CADPS2: variants seen among roughly 807,000 people sequenced by gnomAD.
CADPS2 encodes calcium-dependent secretion activator 2.
A neutral mutation model predicts 172.5 loss-of-function variants in CADPS2; 93 were observed. The observed-to-expected ratio is 0.54, with a 90% CI of 0.46 to 0.64. The LOEUF (loss-of-function observed/expected upper bound fraction) is 0.64. Ranked by LOEUF, CADPS2 falls within the 30% of genes least tolerant of loss-of-function variation. CADPS2 has a pLI of 0.00. For missense variants in CADPS2, 1,420 were observed against 1,565.9 expected (o/e 0.91, Z 1.57); for synonymous variants, 546 against 555.2 (o/e 0.98, Z 0.23).
At position 122,728,898 on chromosome 7, in the gene CADPS2, G is replaced by A. The variant is rs113442701; in HGVS notation, c.453+8057C>T. The stretch of plus-strand genomic sequence containing the variant: ...CCAAGTATTTATTATATTACAAGTC[G>A]CCTCTCTTCTGTTTTGAAAAATACA... On this transcript the variant is annotated intron_variant, in intron 2 of 29. Transcript: ENST00000449022. Among the ~76,000 whole-genome samples, 694 of 151,658 alleles carry A rather than the reference G, an allele frequency of 4.6e-3. 2 individuals are homozygous for A. Among genetic ancestry groups the A allele is most frequent in the African/African-American group, 0.016 (664 of 41,426 alleles).
At chr7:122,804,467 C>A (rs1465989622) in intron 1 of CADPS2, among the ~76,000 whole-genome samples, 1 of 152,126 alleles carries the variant, frequency 6.6e-6, no homozygotes, top group African/African-American at 2.4e-5. Context: ...ATTTTAGAAT[C>A]ACTGACAGTT....
chr7:122,346,230 TG>T (rs1329880728), intron 27 of CADPS2, among the ~76,000 whole-genome samples: 1 of 150,344 alleles, frequency 6.7e-6, no homozygotes, highest in Non-Finnish European at 1.5e-5. Flanking sequence ...TAGCTGGGAG[TG>T]GTGTTGTGAG....
Position 122,874,092 on chromosome 7 carries a change from T to C in CADPS2, c.339+11907A>G, listed in dbSNP as rs189044096. Among the ~76,000 whole-genome samples, 1,209 of 152,298 alleles carry C rather than the reference T, an allele frequency of 7.9e-3. 19 individuals are homozygous for C. Among genetic ancestry groups the C allele is most frequent in the African/African-American group, 0.027 (1,128 of 41,560 alleles). On this transcript the variant is annotated intron_variant, in intron 1 of 29. Transcript: ENST00000449022. Reference sequence around the variant, plus strand: ...TCAGATGGATAGATTGCAAAATTTTTCTCCCATTCTGTAGGTTGCCTGTTC... The same window carrying C: ...TCAGATGGATAGATTGCAAAATTTTCCTCCCATTCTGTAGGTTGCCTGTTC...
At chr7:122,671,946 T>C (rs940032045) in intron 2 of CADPS2, among the ~76,000 whole-genome samples, 48 of 152,126 alleles carry the variant, frequency 3.2e-4, no homozygotes, top group African/African-American at 1.1e-3. Context: ...TATGCTCATA[T>C]ACGAAAGGAG....
At chr7:122,446,786 T>G (rs892704755) in intron 15 of CADPS2, among the ~76,000 whole-genome samples, 1 of 152,138 alleles carries the variant, frequency 6.6e-6, no homozygotes, top group Non-Finnish European at 1.5e-5. Flanking sequence ...AGTCAGAGAG[T>G]CCACTAGGCT....
Position 122,805,449 on chromosome 7 carries a change from C to T in CADPS2, c.340-68381G>A, listed in dbSNP as rs118003563. On this transcript the variant is annotated intron_variant, in intron 1 of 29. Coordinates refer to ENST00000449022, the MANE Select transcript of CADPS2 (RefSeq NM_017954.11). ...CTGAGATTACAGGAGTGAGCCACCA[C>T]ACCCGGTCTTCAATTATTTTTATTG... Among the ~76,000 whole-genome samples the T allele has an allele frequency of 7.0e-3, 1,060 of 152,280 alleles. 5 individuals carry two copies. Among genetic ancestry groups the T allele is most frequent in the Non-Finnish European group, 0.011 (745 of 68,012 alleles).
At chr7:122,698,433 T>C (rs1209076720) in intron 2 of CADPS2, 2 of 1,613,974 alleles carry the variant, frequency 1.2e-6, no homozygotes, top group Non-Finnish European at 8.5e-7. Flanking sequence ...AATGGAAAAT[T>C]TCCGTGCCTT....
At chr7:122,603,838 A>G (rs569299801) in intron 6 of CADPS2, among the ~76,000 whole-genome samples, 1 of 152,272 alleles carries the variant, frequency 6.6e-6, no homozygotes, top group South Asian at 2.1e-4. Context: ...AGAATCTAAA[A>G]AAGTTAAACT....
intron 25 of CADPS2, among the ~76,000 whole-genome samples, chr7:122,373,340 G>T (rs2041988503): frequency 6.6e-6 from 1 of 152,098 alleles, no homozygotes; most frequent in Non-Finnish European, 1.5e-5. Flanking sequence ...CCAAACTTAA[G>T]ACTCAGCATC....
At chr7:122,552,304 T>A (rs1464768246) in intron 8 of CADPS2, among the ~76,000 whole-genome samples, 1 of 152,150 alleles carries the variant, frequency 6.6e-6, no homozygotes, top group Non-Finnish European at 1.5e-5. Flanking sequence ...ACTGAAGAGA[T>A]ATTTAAATAT....
At chr7:122,866,376 C>T (rs757268204) in intron 1 of CADPS2, among the ~76,000 whole-genome samples, 5 of 152,102 alleles carry the variant, frequency 3.3e-5, no homozygotes, top group African/African-American at 7.2e-5. Context: ...CTGTACAACT[C>T]TAAGAGGGTG....
chr7:122,345,473 C>T, intron 28 of CADPS2, 101 bp downstream of exon 28: 1 of 707,028 alleles, frequency 1.4e-6, no homozygotes, highest in Non-Finnish European at 2.4e-6. Flanking sequence ...TACAGGATCA[C>T]AAAAAGGAGA....
At chr7:122,645,516 A>ACT (rs1319535267) in intron 3 of CADPS2, among the ~76,000 whole-genome samples, 2 of 29,350 alleles carry the variant, frequency 6.8e-5, no homozygotes, top group Non-Finnish European at 1.5e-4. Flanking sequence ...ATATATACTT[A>ACT]TATATATATA....
chr7:122,523,957 G>A (rs2061011049), intron 8 of CADPS2, among the ~76,000 whole-genome samples: 1 of 152,158 alleles, frequency 6.6e-6, no homozygotes, highest in African/African-American at 2.4e-5. Flanking sequence ...GTGAAAATCT[G>A]AATGTCTCTG....
intron 1 of CADPS2, among the ~76,000 whole-genome samples, chr7:122,818,794 C>G (rs1471973190): frequency 1.3e-5 from 2 of 152,168 alleles, no homozygotes; most frequent in African/African-American, 4.8e-5. Context: ...GTTAATGCTC[C>G]TTTTTCTTTA....
At chr7:122,666,825 G>A (rs2081241335) in intron 2 of CADPS2, among the ~76,000 whole-genome samples, 1 of 152,126 alleles carries the variant, frequency 6.6e-6, no homozygotes, top group African/African-American at 2.4e-5. Context: ...GATTCCCAGT[G>A]AGTTCTGCAG....
chr7:122,840,647 G>T (rs1810203449), intron 1 of CADPS2, among the ~76,000 whole-genome samples: 1 of 151,908 alleles, frequency 6.6e-6, no homozygotes, highest in Non-Finnish European at 1.5e-5. Flanking sequence ...CAGGCATGGT[G>T]GTATGCACCT....
chr7:122,362,865 A>C (rs1157074099), intron 25 of CADPS2, among the ~76,000 whole-genome samples: 3 of 152,218 alleles, frequency 2.0e-5, no homozygotes, highest in African/African-American at 7.2e-5. Flanking sequence ...TAGTTTATGC[A>C]AAAGAAACAA....
At chr7:122,574,532 C>T (rs1467078153) in intron 7 of CADPS2, among the ~76,000 whole-genome samples, 1 of 144,166 alleles carries the variant, frequency 6.9e-6, no homozygotes, top group Non-Finnish European at 1.5e-5. Context: ...ATTCCATCAT[C>T]ACTAAAAACA....
Sources: allele counts gnomAD v4.1 joint callset (sites outside exome capture counted in the v4.1 genomes callset), GRCh38; gene constraint gnomAD v4.1.1; transcripts MANE v1.5; gene names NCBI Gene and HGNC (gene_info 2026-07-23, HGNC 2026-07-21).